SNRPE: variants seen among roughly 807,000 people sequenced by gnomAD.
SNRPE encodes the protein small nuclear ribonucleoprotein E.
For missense variants in SNRPE, 53 were observed against 111.6 expected, an observed-to-expected ratio of 0.48 and a Z score of 2.36; for synonymous variants, 35 against 36.7, an observed-to-expected ratio of 0.95 and a Z score of 0.17.
rs1258371119 is a variant in SNRPE, at chr1:203,861,782, G to C, written c.54+69G>C. 6 of 1,129,190 alleles carry C rather than the reference G, an allele frequency of 5.3e-6. No individual in the cohort carries two copies. In the East Asian group the frequency reaches 1.4e-4, roughly 26 times the overall value. The allele number at this position is 1,129,190 out of a possible 1,614,324, so 69.9% of individuals were successfully genotyped here. A position where few individuals can be genotyped will look rare whatever the true frequency, so the allele number is the denominator to read the frequency against. On this transcript the variant is annotated intron_variant, in intron 1 of 4. Transcript: ENST00000414487. ...TACGGGGTGCGAAGGCGCAGGCTGAGGGCAGGCCTGGGATAGTGGAGTACG... is the reference window on the plus strand; with the variant it reads ...TACGGGGTGCGAAGGCGCAGGCTGACGGCAGGCCTGGGATAGTGGAGTACG...
At chr1:203,866,815 T>C (rs940201637) in intron 4 of SNRPE, among the ~76,000 whole-genome samples, 1 of 151,996 alleles carries the variant, frequency 6.6e-6, no homozygotes, top group Non-Finnish European at 1.5e-5. Context: ...TCTAGTCTTA[T>C]CTCCCTCTGC....
In SNRPE at chr1:203,863,564, C is replaced by T. The variant is rs1690021455; in HGVS notation, c.82-99C>T. On this transcript the variant is annotated intron_variant, in intron 2 of 4. Transcript: ENST00000414487. ...TCTATCTCTTGACCTTGTGATCCAC[C>T]TCCCTCGGCCTCCGAAAGTGCTGGG... The T allele has an allele frequency of 5.2e-6, 4 of 776,014 alleles. No homozygotes were observed. In the Admixed American group the frequency reaches 7.7e-5, roughly 15 times the overall value. 48.1% of individuals were successfully genotyped at this position (776,014 alleles called of 1,614,324 possible). A position where few individuals can be genotyped will look rare whatever the true frequency, so the allele number is the denominator to read the frequency against.
chr1:203,868,050 T>C (rs1690129969), intron 4 of SNRPE, among the ~76,000 whole-genome samples: 1 of 149,130 alleles, frequency 6.7e-6, no homozygotes, highest in Non-Finnish European at 1.5e-5. Flanking sequence ...ATTTGAACAA[T>C]GAATGGTATT....
chr1:203,870,357 C>T lies in SNRPE; in HGVS notation c.*425C>T, dbSNP rs2103513407. 1 of 155,916 alleles carries T rather than the reference C, an allele frequency of 6.4e-6. No homozygotes were observed. The highest frequency in any genetic ancestry group is 6.5e-5 in the Admixed American group (1 of 15,436). 9.7% of individuals were successfully genotyped at this position (155,916 alleles called of 1,614,324 possible). Reference sequence around the variant, plus strand: ...CTTGTAGTTCTGGATGCTGGAATACCAGAGTTTCTAACCTAAATATGTTGG... The same window carrying T: ...CTTGTAGTTCTGGATGCTGGAATACTAGAGTTTCTAACCTAAATATGTTGG... On this transcript the variant is annotated 3_prime_UTR_variant, in exon 5 of 5. Coordinates refer to ENST00000414487, the MANE Select transcript of SNRPE (RefSeq NM_003094.4).
chr1:203,869,008 A>G lies in SNRPE; in HGVS notation c.224-869A>G, dbSNP rs549481108. Among the ~76,000 whole-genome samples, 5 of 152,334 alleles carry G rather than the reference A, an allele frequency of 3.3e-5. No individual in the cohort carries two copies. In the South Asian group the frequency reaches 8.3e-4, roughly 25 times the overall value. ...TAAAGATGTCTTGCCAGGACGGGCA[A>G]GCTTAGCCTTACTGAGGTCATATTA... On this transcript the variant is annotated intron_variant, in intron 4 of 4. Transcript: ENST00000414487.
At chr1:203,862,330 G>A (rs1689994650) in intron 2 of SNRPE, 108 bp downstream of exon 2, 1 of 803,730 alleles carries the variant, frequency 1.2e-6, no homozygotes, top group East Asian at 2.5e-5. Context: ...AAAAATAGAT[G>A]TAACTGGAGA....
In SNRPE at chr1:203,865,393, C is replaced by T. The variant is rs182391959; in HGVS notation, c.223+274C>T. ...AATCCTCATTTTATTAAACTCTCAA[C>T]AGCATTTGGCACTGTTGGCTGCTCC... On this transcript the variant is annotated intron_variant, in intron 4 of 4. Coordinates refer to ENST00000414487, the MANE Select transcript of SNRPE (RefSeq NM_003094.4). Among the ~76,000 whole-genome samples the T allele has an allele frequency of 2.0e-5, 3 of 152,288 alleles. No individual in the cohort carries two copies. The East Asian group carries it at 5.8e-4, about 29-fold the overall frequency.
intron 3 of SNRPE, among the ~76,000 whole-genome samples, 181 bp from the exon 4 acceptor site, chr1:203,864,858 CAA>C (rs1448105198): frequency 9.6e-6 from 1 of 103,632 alleles, no homozygotes; most frequent in African/African-American, 3.8e-5. Flanking sequence ...GCCTGGAAGA[CAA>C]AGTGAGATCC....
chr1:203,863,619 C>T lies in SNRPE; in HGVS notation c.82-44C>T, dbSNP rs777046759. 1.3e-5 allele frequency: 19 copies of T among 1,480,090 alleles called. No homozygotes were observed. The South Asian group carries it at 2.2e-4, about 17-fold the overall frequency. The allele number at this position is 1,480,090 out of a possible 1,614,324, so 91.7% of individuals were successfully genotyped here. A position where few individuals can be genotyped will look rare whatever the true frequency, so the allele number is the denominator to read the frequency against. ...CAGGCGTGAGCCACCGCGCCCGGCC[C>T]TATTTTTCTTTTTTTAACGTTTCCA... On this transcript the variant is annotated intron_variant, in intron 2 of 4. Coordinates refer to ENST00000414487, the MANE Select transcript of SNRPE (RefSeq NM_003094.4).
chr1:203,864,266 T>C (rs1034114173), intron 3 of SNRPE, among the ~76,000 whole-genome samples: 2 of 151,974 alleles, frequency 1.3e-5, no homozygotes, highest in Non-Finnish European at 2.9e-5. Context: ...AAATTAACTT[T>C]TAAAAATTAT....
chr1:203,867,086 T>C (rs7543129), intron 4 of SNRPE, among the ~76,000 whole-genome samples: 108,501 of 142,208 alleles, frequency 0.76, 41,422 homozygotes, highest in East Asian at 0.81. Flanking sequence ...CTGGCTAACA[T>C]GGTGAAACCC....
intron 1 of SNRPE, 151 bp from the exon 2 acceptor site, chr1:203,862,045 A>T (rs1689988507): frequency 3.0e-6 from 2 of 672,746 alleles, no homozygotes; most frequent in African/African-American, 1.8e-5. Context: ...GAAGACCCGT[A>T]ACGAATGCCC....
At chr1:203,864,213 C>G (rs1156883207) in intron 3 of SNRPE, among the ~76,000 whole-genome samples, 1 of 151,650 alleles carries the variant, frequency 6.6e-6, no homozygotes, top group Non-Finnish European at 1.5e-5. Flanking sequence ...CTCAGCCTCT[C>G]AAAGTCTTGG....
chr1:203,871,147 TTTTAACA>T (rs1404941451), exon 5 of SNRPE, among the ~76,000 whole-genome samples: 3 of 152,268 alleles, frequency 2.0e-5, no homozygotes, highest in Non-Finnish European at 4.4e-5. Context: ...GCATTAGTTC[TTTTAACA>T]TTTGAGTTTG....
intron 3 of SNRPE, 74 bp from the exon 4 acceptor site, chr1:203,864,967 C>G: frequency 7.5e-7 from 1 of 1,328,068 alleles, no homozygotes; most frequent in South Asian, 1.6e-5. Context: ...GAGTTTTTAT[C>G]TGCATAGGTA....
chr1:203,870,073 T>G lies in SNRPE; in HGVS notation c.*141T>G. 1.8e-6 allele frequency: 1 copy of G among 555,814 alleles called. No homozygotes were observed. Among genetic ancestry groups the G allele is most frequent in the Non-Finnish European group, 3.1e-6 (1 of 323,390 alleles). 34.4% of individuals were successfully genotyped at this position (555,814 alleles called of 1,614,324 possible). On this transcript the variant is annotated 3_prime_UTR_variant, in exon 5 of 5. Coordinates refer to ENST00000414487, the MANE Select transcript of SNRPE (RefSeq NM_003094.4). ...TGGCAATAAATACTATGGGATTGTT[T>G]GTATTAAAAAATTTACATTGCTTCT...
At chr1:203,861,891 TG>T (rs1406855683) in intron 1 of SNRPE, 178 bp downstream of exon 1, 6 of 648,742 alleles carry the variant, frequency 9.2e-6, no homozygotes, top group Non-Finnish European at 1.4e-5. Context: ...GAGGTGGTCT[TG>T]GGGGGACCCC....
chr1:203,866,811 C>G (rs1690096337), intron 4 of SNRPE, among the ~76,000 whole-genome samples: 1 of 151,854 alleles, frequency 6.6e-6, no homozygotes, highest in Non-Finnish European at 1.5e-5. Context: ...ATGATCTAGT[C>G]TTATCTCCCT....
intron 4 of SNRPE, among the ~76,000 whole-genome samples, chr1:203,866,632 AC>A (rs1318411547): frequency 2.0e-5 from 3 of 152,204 alleles, no homozygotes; most frequent in Non-Finnish European, 4.4e-5. Flanking sequence ...AGTTCAGCTT[AC>A]TAATTGATTT....
Sources: gnomAD v4.1 joint callset for allele counts (sites outside exome capture counted in the v4.1 genomes callset) on GRCh38, gnomAD v4.1.1 for gene constraint, MANE v1.5 for transcripts, NCBI Gene and HGNC (gene_info 2026-07-23, HGNC 2026-07-21) for gene names.